ODAD3: variants seen among roughly 807,000 people sequenced by gnomAD.
ODAD3 encodes outer dynein arm-docking complex subunit 3.
ODAD3 carries 57 observed loss-of-function variants against 70.9 expected under a neutral mutation model. The observed-to-expected ratio is 0.80, with a 90% confidence interval of 0.65 to 1.00. The LOEUF (loss-of-function observed/expected upper bound fraction) is 1.00, where lower values mean the gene tolerates loss of function less well. Among genes scored for constraint, ODAD3 ranks in the 50% least tolerant of loss-of-function variants. The pLI is 0.00. For synonymous variants in ODAD3, 327 were observed against 315.9 expected, an observed-to-expected ratio of 1.04 and a Z score of -0.37; for missense variants, 797 against 763.9, an observed-to-expected ratio of 1.04 and a Z score of -0.51.
At position 11,425,483 on chromosome 19, in the gene ODAD3, GTATA is replaced by G. The variant is rs1204966560; in HGVS notation, c.963+657_963+660del. Among the ~76,000 whole-genome samples, 10 of 123,016 alleles carry G rather than the reference GTATA, an allele frequency of 8.1e-5. No individual in the cohort carries two copies. In the South Asian group the frequency reaches 1.2e-3, roughly 15 times the overall value. 80.7% of individuals were successfully genotyped at this position (123,016 alleles called of 152,430 possible). On this transcript the variant is annotated intron_variant, in intron 7 of 12. Coordinates refer to ENST00000356392, the MANE Select transcript of ODAD3 (RefSeq NM_145045.5). ...TGTGTGTATATATGTATATATGTGT[GTATA>G]TATGTATATATGTATATATGTGTGT...
rs2144754783 is a variant in ODAD3, at chr19:11,422,347, C to G, written c.1434+124G>C. ...CCCTGTGGGCGGGGCCTCTGACGTC[C>G]GGGACAGAGGATGTGGCAGGCCACG... On this transcript the variant is annotated intron_variant, in intron 10 of 12. Coordinates refer to ENST00000356392, the MANE Select transcript of ODAD3 (RefSeq NM_145045.5). The surrounding 1 kb of genome is among the most constrained non-coding windows in gnomAD (Gnocchi z 4.6). 1 of 1,231,884 alleles carries G rather than the reference C, an allele frequency of 8.1e-7. No individual in the cohort carries two copies. The highest frequency in any genetic ancestry group is 1.1e-6 in the Non-Finnish European group (1 of 914,478). 76.3% of individuals were successfully genotyped at this position (1,231,884 alleles called of 1,614,324 possible).
In ODAD3 at chr19:11,426,801, C is replaced by T; in HGVS notation, c.613-17G>A. The T allele has an allele frequency of 6.2e-7, 1 of 1,613,744 alleles. No individual in the cohort carries two copies. ...CCGCATGGTCTGGAGAGCAGCAGGG[C>T]TGGGCTGAGGGCCCTCCGCACTCAA... is the stretch of plus-strand genomic sequence containing the variant. On this transcript the variant is annotated splice_polypyrimidine_tract_variant and intron_variant, in intron 4 of 12. Coordinates refer to ENST00000356392, the MANE Select transcript of ODAD3 (RefSeq NM_145045.5).
intron 7 of ODAD3, among the ~76,000 whole-genome samples, chr19:11,424,463 A>T (rs1969215963): frequency 1.3e-5 from 2 of 150,710 alleles, no homozygotes; most frequent in Admixed American, 1.3e-4. Context: ...AATTAGTCTG[A>T]GCGACAGAGA....
chr19:11,423,188 C>A (rs1238909598), intron 8 of ODAD3, among the ~76,000 whole-genome samples: 1 of 152,240 alleles, frequency 6.6e-6, no homozygotes, highest in Non-Finnish European at 1.5e-5. Flanking sequence ...TCGCCCGATT[C>A]CGCAGGAAAT....
At chr19:11,434,231 C>CAA (rs200735465) in intron 1 of ODAD3, among the ~76,000 whole-genome samples, 7 of 137,578 alleles carry the variant, frequency 5.1e-5, no homozygotes, top group East Asian at 2.1e-4. Context: ...AAAAACAAAA[C>CAA]AAAAAAAAAC....
chr19:11,420,953 G>A lies in ODAD3; in HGVS notation c.1676-6C>T, dbSNP rs770567630. 3.1e-6 allele frequency: 5 copies of A among 1,612,366 alleles called. No homozygotes were observed. Among genetic ancestry groups the A allele is most frequent in the East Asian group, 2.2e-5 (1 of 44,850 alleles). The stretch of plus-strand genomic sequence containing the variant: ...CTCCTCCTCACTCTCTTCGTCTAAG[G>A]GGGGTGGGGGGATGAGCAGGGAGCG... On this transcript the variant is annotated splice_polypyrimidine_tract_variant and splice_region_variant and intron_variant, in intron 12 of 12. Coordinates refer to ENST00000356392, the MANE Select transcript of ODAD3 (RefSeq NM_145045.5).
chr19:11,427,172 G>A (rs892030114), intron 3 of ODAD3, 132 bp from the exon 4 acceptor site: 2 of 941,632 alleles, frequency 2.1e-6, no homozygotes, highest in South Asian at 1.8e-5. Context: ...CCACCTCCCT[G>A]GCCACCCCTT....
At position 11,425,299 on chromosome 19, in the gene ODAD3, ATG is replaced by A. The variant is rs1270888997; in HGVS notation, c.963+843_963+844del. Among the ~76,000 whole-genome samples the A allele has an allele frequency of 9.5e-5, 12 of 126,496 alleles. 2 individuals carry two copies. The highest frequency in any genetic ancestry group is 1.4e-4 in the African/African-American group (4 of 28,936). The allele number at this position is 126,496 out of a possible 152,430, so 83.0% of individuals were successfully genotyped here. On this transcript the variant is annotated intron_variant, in intron 7 of 12. Transcript: ENST00000356392. ...TGTGTATATGTACATATGTGTATATATGTGTATGTGTACATATGTGTATATGT... is the reference window on the plus strand; with the variant it reads ...TGTGTATATGTACATATGTGTATATATGTATGTGTACATATGTGTATATGT...
At position 11,424,032 on chromosome 19, in the gene ODAD3, G is replaced by A. The variant is rs778052460; in HGVS notation, c.964-3C>T. 1.2e-5 allele frequency: 20 copies of A among 1,606,420 alleles called. No individual in the cohort carries two copies. The highest frequency in any genetic ancestry group is 1.7e-5 in the Non-Finnish European group (20 of 1,178,932). On this transcript the variant is annotated splice_region_variant and splice_polypyrimidine_tract_variant and intron_variant, in intron 7 of 12. Transcript: ENST00000356392. ...AGCAGCAGGTGCTCGCGGTGGGTCT[G>A]CTCGTGGGTTGAGGTCAGAGCCAGG...
intron 7 of ODAD3, among the ~76,000 whole-genome samples, chr19:11,425,130 T>TATATGTAC (rs1555722230): frequency 7.8e-6 from 1 of 128,426 alleles, no homozygotes; most frequent in African/African-American, 3.7e-5. Context: ...TACATATGTG[T>TATATGTAC]ATATGTGTAT....
At position 11,421,809 on chromosome 19, in the gene ODAD3, C is replaced by T. The variant is rs758606551; in HGVS notation, c.1458G>A (p.Lys486=). 9 of 1,612,940 alleles carry T rather than the reference C, an allele frequency of 5.6e-6. No homozygotes were observed. Among genetic ancestry groups the T allele is most frequent in the African/African-American group, 1.3e-5 (1 of 74,956 alleles). ...AGTTATCTGCCTGGGGATCCAGCTC[C>T]TTTCCCGCGAAGCGGCCGTCCTCCT... ...ITVEDGRFAG[K]ELDPQADNYV... The change falls in exon 11 of 13, where the codon AAG becomes AAA. Residue 486 remains lysine (K), a synonymous_variant. Coordinates refer to ENST00000356392, the MANE Select transcript of ODAD3 (RefSeq NM_145045.5).
At chr19:11,435,684 A>G (rs1436377195), upstream of ODAD3, 2 of 1,306,228 alleles carry the variant, frequency 1.5e-6, no homozygotes, top group Non-Finnish European at 2.0e-6. Context: ...TGCGGTGGAT[A>G]CTGACCTTTG....
chr19:11,424,387 A>C (rs1320761565), intron 7 of ODAD3, among the ~76,000 whole-genome samples: 1 of 151,682 alleles, frequency 6.6e-6, no homozygotes, highest in Non-Finnish European at 1.5e-5. Flanking sequence ...CTGAAGTCCC[A>C]GCTACTTGGG....
intron 3 of ODAD3, among the ~76,000 whole-genome samples, chr19:11,429,728 C>T (rs987766972): frequency 2.0e-5 from 3 of 151,016 alleles, no homozygotes; most frequent in South Asian, 2.1e-4. Context: ...TTAGTAGAGA[C>T]GGGGTTTCAC....
At position 11,425,651 on chromosome 19, in the gene ODAD3, GTATATA is replaced by G. The variant is rs373377382; in HGVS notation, c.963+487_963+492del. Among the ~76,000 whole-genome samples the G allele has an allele frequency of 2.2e-4, 27 of 123,450 alleles. 2 individuals carry two copies. Among genetic ancestry groups the G allele is most frequent in the African/African-American group, 8.6e-4 (20 of 23,292 alleles). 81.0% of individuals were successfully genotyped at this position (123,450 alleles called of 152,430 possible). ...CATATATGTATATATATGTATATAC[GTATATA>G]TATATATATATATGCAAAAAAAACC... On this transcript the variant is annotated intron_variant, in intron 7 of 12. Coordinates refer to ENST00000356392, the MANE Select transcript of ODAD3 (RefSeq NM_145045.5).
At position 11,425,443 on chromosome 19, in the gene ODAD3, A is replaced by G. The variant is rs182531255; in HGVS notation, c.963+701T>C. Among the ~76,000 whole-genome samples the G allele has an allele frequency of 4.1e-4, 57 of 138,874 alleles. 3 individuals are homozygous for G. The highest frequency in any genetic ancestry group is 1.5e-3 in the African/African-American group (49 of 33,728). 91.1% of individuals were successfully genotyped at this position (138,874 alleles called of 152,430 possible). ...TGTATATACACATATGTGTATATGTATATATACATATATGTGTGTGTATAT... is the reference window on the plus strand; with the variant it reads ...TGTATATACACATATGTGTATATGTGTATATACATATATGTGTGTGTATAT... On this transcript the variant is annotated intron_variant, in intron 7 of 12. Coordinates refer to ENST00000356392, the MANE Select transcript of ODAD3 (RefSeq NM_145045.5).
At chr19:11,430,811 G>T in intron 2 of ODAD3, 35 bp from the exon 3 acceptor site, 3 of 1,613,868 alleles carry the variant, frequency 1.9e-6, no homozygotes, top group Non-Finnish European at 2.5e-6. Context: ...CTTTCAGCAT[G>T]CCACCTCCAG....
intron 1 of ODAD3, chr19:11,434,388 A>G (rs1302333018): frequency 1.3e-5 from 2 of 159,246 alleles, no homozygotes; most frequent in Non-Finnish European, 2.8e-5. Context: ...AAATACAAAA[A>G]TTAGTTAGGC....
chr19:11,425,543 G>GTATA (rs1969336728), intron 7 of ODAD3, among the ~76,000 whole-genome samples: 8 of 133,410 alleles, frequency 6.0e-5, no homozygotes, highest in East Asian at 2.0e-4. Flanking sequence ...ATGTGTGTAT[G>GTATA]TATGTATATA....
Sources: allele counts gnomAD v4.1 joint callset (sites outside exome capture counted in the v4.1 genomes callset), GRCh38; gene constraint gnomAD v4.1.1; non-coding constraint Gnocchi (gnomAD v3.1); transcripts MANE v1.5; gene names NCBI Gene and HGNC (gene_info 2026-07-23, HGNC 2026-07-21).